Variants in DZIP3 observed in about 807,000 individuals in gnomAD.
The protein encoded by DZIP3 is DAZ interacting zinc finger protein 3.
DZIP3 carries 118 observed loss-of-function variants against 162.0 expected under a neutral mutation model. The ratio of observed to expected loss-of-function variants is 0.73; its 90% CI spans 0.63 to 0.85. The LOEUF (loss-of-function observed/expected upper bound fraction) is 0.85. Among genes scored for constraint, DZIP3 ranks in the 40% least tolerant of loss-of-function variants. DZIP3 has a pLI of 0.00. For missense variants in DZIP3, 1,331 were observed against 1,407.0 expected (o/e 0.95, Z 0.86); for synonymous variants, 438 against 458.6 (o/e 0.96, Z 0.57).
chr3:108,630,728 T>G (rs906517650), intron 8 of DZIP3, among the ~76,000 whole-genome samples: 1 of 152,064 alleles, frequency 6.6e-6, no homozygotes, highest in Non-Finnish European at 1.5e-5. Flanking sequence ...TTGCTTTCTT[T>G]ATTATCTAAC....
At chr3:108,609,975 T>G (rs1453298197) in intron 3 of DZIP3, among the ~76,000 whole-genome samples, 1 of 152,204 alleles carries the variant, frequency 6.6e-6, no homozygotes, top group East Asian at 1.9e-4. Context: ...TTGAATTATA[T>G]GCACTACTGA....
At chr3:108,602,576 G>A (rs184794130) in intron 1 of DZIP3, among the ~76,000 whole-genome samples, 18 of 152,294 alleles carry the variant, frequency 1.2e-4, no homozygotes, top group Admixed American at 1.0e-3. Context: ...GTTTACTGCC[G>A]ACAGGGAAAG....
intron 1 of DZIP3, among the ~76,000 whole-genome samples, chr3:108,593,527 T>A (rs1248852698): frequency 6.6e-6 from 1 of 152,186 alleles, no homozygotes; most frequent in African/African-American, 2.4e-5. Flanking sequence ...ATTGGAAGTG[T>A]TTCATCTTTT....
intron 9 of DZIP3, among the ~76,000 whole-genome samples, chr3:108,633,669 G>A (rs1477665711): frequency 1.4e-5 from 2 of 141,922 alleles, no homozygotes; most frequent in African/African-American, 2.6e-5. Flanking sequence ...ATCTATCAGA[G>A]TACTTCTGAT....
rs960954872 is a variant in DZIP3 at position 108,644,203 on chromosome 3, A to G, written c.1181A>G (p.Tyr394Cys). ...PIFKLDYNYF[Y>C]HLLHIIIISG... Reference sequence around the variant, plus strand: ...TTCAAGCTTGATTATAATTATTTCTATCATCTGCTTCATATAATTATTATT... The same window carrying G: ...TTCAAGCTTGATTATAATTATTTCTGTCATCTGCTTCATATAATTATTATT... Residue 394 changes from tyrosine (Y) to cysteine (C), a missense_variant, in exon 14 of 33, where the codon TAT becomes TGT. This residue lies in a region of DZIP3 where 1,278 missense variants were observed against 1,317.1 expected (regional missense o/e 0.97). Transcript: ENST00000361582. The G allele has an allele frequency of 5.6e-6, 9 of 1,606,016 alleles. No individual in the cohort carries two copies. Among genetic ancestry groups the G allele is most frequent in the Non-Finnish European group, 7.6e-6 (9 of 1,177,226 alleles).
At chr3:108,633,930 G>C (rs979102008) in intron 9 of DZIP3, among the ~76,000 whole-genome samples, 1 of 149,578 alleles carries the variant, frequency 6.7e-6, no homozygotes, top group Non-Finnish European at 1.5e-5. Context: ...GGATCTATCA[G>C]AATACTTCTG....
intron 5 of DZIP3, among the ~76,000 whole-genome samples, chr3:108,617,358 A>G (rs1432239110): frequency 6.6e-6 from 1 of 152,204 alleles, no homozygotes; most frequent in East Asian, 1.9e-4. Flanking sequence ...ATAATGTCGT[A>G]TATGATAAAT....
intron 23 of DZIP3, among the ~76,000 whole-genome samples, chr3:108,673,391 A>G (rs1943993878): frequency 2.0e-5 from 3 of 151,976 alleles, no homozygotes; most frequent in Admixed American, 1.3e-4. Flanking sequence ...AGATTACTTT[A>G]AAAGCTCGTT....
At chr3:108,675,663 T>C in intron 24 of DZIP3, 123 bp from the exon 25 acceptor site, 2 of 627,378 alleles carry the variant, frequency 3.2e-6, no homozygotes, top group South Asian at 4.6e-5. Flanking sequence ...GAAGTAATTG[T>C]TGGTGATGGG....
At chr3:108,669,965 A>G (rs1943865877) in intron 22 of DZIP3, among the ~76,000 whole-genome samples, 1 of 151,898 alleles carries the variant, frequency 6.6e-6, no homozygotes, top group Non-Finnish European at 1.5e-5. Context: ...GACTCTAGAA[A>G]ACTGCTAGAA....
At chr3:108,641,288 T>A (rs189782951) in intron 12 of DZIP3, among the ~76,000 whole-genome samples, 76 of 152,308 alleles carry the variant, frequency 5.0e-4, no homozygotes, top group African/African-American at 1.8e-3. Context: ...TAAGTGTAGT[T>A]TAATTTTTTC....
intron 21 of DZIP3, among the ~76,000 whole-genome samples, chr3:108,665,452 TAA>T (rs1943628153): frequency 6.6e-6 from 1 of 152,008 alleles, no homozygotes; most frequent in South Asian, 2.1e-4. Context: ...AGAAAAAAAT[TAA>T]AAAGAGTCTA....
intron 1 of DZIP3, among the ~76,000 whole-genome samples, chr3:108,590,648 C>T (rs566836766): frequency 6.6e-6 from 1 of 152,252 alleles, no homozygotes; most frequent in East Asian, 1.9e-4. Flanking sequence ...GGGAAACATA[C>T]AAAATAGTAC....
Position 108,669,663 on chromosome 3 carries a change from T to C in DZIP3, c.2424-18T>C, listed in dbSNP as rs186310223. ...AATAATTTCTAACATCTTTTGACTTTCTTGCTTGTTTGCTTAGATTACAGC... is the reference window on the plus strand; with the variant it reads ...AATAATTTCTAACATCTTTTGACTTCCTTGCTTGTTTGCTTAGATTACAGC... On this transcript the variant is annotated intron_variant, in intron 21 of 32. Coordinates refer to ENST00000361582, the MANE Select transcript of DZIP3 (RefSeq NM_014648.4). The C allele has an allele frequency of 3.3e-4, 527 of 1,608,912 alleles. 1 individual carries two copies. Among genetic ancestry groups the C allele is most frequent in the Middle Eastern group, 2.7e-3 (16 of 5,990 alleles).
At chr3:108,609,790 G>A (rs937634275) in intron 3 of DZIP3, among the ~76,000 whole-genome samples, 3 of 152,174 alleles carry the variant, frequency 2.0e-5, no homozygotes, top group East Asian at 1.9e-4. Flanking sequence ...GCAGTGAGCC[G>A]TGTTCATGCC....
intron 22 of DZIP3, among the ~76,000 whole-genome samples, chr3:108,670,636 T>G (rs2107345051): frequency 6.6e-6 from 1 of 152,088 alleles, no homozygotes; most frequent in South Asian, 2.1e-4. Flanking sequence ...CTTGGGTATG[T>G]ACCAAGGAGT....
chr3:108,614,636 A>G (rs928086324), intron 4 of DZIP3, among the ~76,000 whole-genome samples: 2 of 152,032 alleles, frequency 1.3e-5, no homozygotes, highest in Non-Finnish European at 2.9e-5. Flanking sequence ...CTTTTTTTCT[A>G]GAACAGGAGA....
chr3:108,611,277 T>C lies in DZIP3; in HGVS notation c.206T>C (p.Val69Ala). 1 of 1,612,444 alleles carries C rather than the reference T, an allele frequency of 6.2e-7. No homozygotes were observed. The highest frequency in any genetic ancestry group is 2.2e-5 in the East Asian group (1 of 44,792). ...ATTAATACTCTACCAAAAGGTGTGG[T>C]TCCTCACATTAAGAAGTTCTTACAA... is the stretch of plus-strand genomic sequence containing the variant. ...NAINTLPKGV[V>A]PHIKKFLQED... The change falls in exon 4 of 33, where the codon GTT becomes GCT. Residue 69 changes from valine (V) to alanine (A), a missense_variant. By Grantham distance (64) the Val-to-Ala change is moderately conservative (BLOSUM62 0). This residue lies in a region of DZIP3 where 1,278 missense variants were observed against 1,317.1 expected (regional missense o/e 0.97). Coordinates refer to ENST00000361582, the MANE Select transcript of DZIP3 (RefSeq NM_014648.4).
At chr3:108,680,795 C>T (rs375827311) in intron 26 of DZIP3, among the ~76,000 whole-genome samples, 6 of 152,158 alleles carry the variant, frequency 3.9e-5, no homozygotes, top group South Asian at 2.1e-4. Context: ...TCAGAAATAA[C>T]GCCACACATT....
Sources: allele counts gnomAD v4.1 joint callset (sites outside exome capture counted in the v4.1 genomes callset), GRCh38; gene constraint gnomAD v4.1.1; regional missense constraint gnomAD v4.1.1; transcripts MANE v1.5; gene names NCBI Gene and HGNC (gene_info 2026-07-23, HGNC 2026-07-21).